Variants in PIERCE2 observed in about 807,000 individuals in gnomAD.
The protein encoded by PIERCE2 is piercer of microtubule wall 2.
chr15:55,413,202 A>T, the PIERCE2 span, among the ~76,000 whole-genome samples: 1 of 151,418 alleles, frequency 6.6e-6, no homozygotes, highest in East Asian at 2.0e-4. Context: ...CAGGAGGTGG[A>T]GCTTGCAGTG....
chr15:55,418,331 A>ACAGCCAGAC, the PIERCE2 span: 3 of 1,542,728 alleles, frequency 1.9e-6, no homozygotes, highest in East Asian at 4.9e-5. Flanking sequence ...GTTGGATCCA[A>ACAGCCAGAC]AGACACTCCA....
chr15:55,408,789 G>T, the PIERCE2 span: 74 of 1,522,924 alleles, frequency 4.9e-5, 1 homozygote, highest in South Asian at 8.0e-4. Flanking sequence ...GCAACCGGGT[G>T]AGTTTAGGCA....
chr15:55,414,215 T>G, the PIERCE2 span, among the ~76,000 whole-genome samples: 1 of 151,368 alleles, frequency 6.6e-6, no homozygotes, highest in Admixed American at 6.6e-5. Context: ...TTTTGTTTTT[T>G]TTTTTTTTGA....
At chr15:55,408,554 A>C in the PIERCE2 span, 90 of 400,154 alleles carry the variant, frequency 2.2e-4, 1 homozygote, top group African/African-American at 1.8e-3. Flanking sequence ...ACGAGTTGCA[A>C]CCTCCAGAAA....
the PIERCE2 span, among the ~76,000 whole-genome samples, chr15:55,409,437 C>T: frequency 6.6e-6 from 1 of 152,032 alleles, no homozygotes; most frequent in Non-Finnish European, 1.5e-5. Flanking sequence ...TATATTCACT[C>T]TTTACAGAAG....
At chr15:55,411,557 A>G in the PIERCE2 span, among the ~76,000 whole-genome samples, 1 of 152,092 alleles carries the variant, frequency 6.6e-6, no homozygotes, top group Non-Finnish European at 1.5e-5. Context: ...AAGCCGAGGC[A>G]GGTGGATCAC....
At chr15:55,412,870 C>A in the PIERCE2 span, among the ~76,000 whole-genome samples, 2 of 152,272 alleles carry the variant, frequency 1.3e-5, no homozygotes, top group South Asian at 4.1e-4. Context: ...TAGCTTATGC[C>A]TGTAATCCCA....
At chr15:55,408,808 G>C in the PIERCE2 span, 2 of 1,506,978 alleles carry the variant, frequency 1.3e-6, no homozygotes, top group Non-Finnish European at 1.8e-6. Flanking sequence ...CAGAGGGCTA[G>C]ATGTTTGGGA....
At chr15:55,411,062 T>G in the PIERCE2 span, 1 of 152,192 alleles carries the variant, frequency 6.6e-6, no homozygotes, top group African/African-American at 2.4e-5. Flanking sequence ...TTATGAGTAT[T>G]AAGTGAATAT....
At chr15:55,413,267 CAA>C in the PIERCE2 span, among the ~76,000 whole-genome samples, 3 of 123,346 alleles carry the variant, frequency 2.4e-5, no homozygotes, top group Non-Finnish European at 3.6e-5. Context: ...GACTCCGTCT[CAA>C]AAAAAAAAAA....
the PIERCE2 span, among the ~76,000 whole-genome samples, chr15:55,414,682 C>T: frequency 6.6e-6 from 1 of 151,386 alleles, no homozygotes; most frequent in South Asian, 2.1e-4. Flanking sequence ...AGTCCGAGGC[C>T]AGCCTGGCCA....
At chr15:55,415,615 T>C in the PIERCE2 span, among the ~76,000 whole-genome samples, 1 of 152,116 alleles carries the variant, frequency 6.6e-6, no homozygotes, top group Non-Finnish European at 1.5e-5. Context: ...TCCTGATCGA[T>C]TGAGCAAGCA....
the PIERCE2 span, among the ~76,000 whole-genome samples, chr15:55,409,189 T>TGAG: frequency 6.6e-6 from 1 of 152,212 alleles, no homozygotes; most frequent in African/African-American, 2.4e-5. Context: ...GTGGATCACC[T>TGAG]GAGGTCAGGA....
the PIERCE2 span, among the ~76,000 whole-genome samples, chr15:55,413,314 A>AT: frequency 6.6e-6 from 1 of 151,900 alleles, no homozygotes; most frequent in Non-Finnish European, 1.5e-5. Context: ...GGTGGTGTGC[A>AT]TGTAGTCCTA....
chr15:55,412,933 C>T, the PIERCE2 span, among the ~76,000 whole-genome samples: 1 of 152,094 alleles, frequency 6.6e-6, no homozygotes, highest in African/African-American at 2.4e-5. Context: ...AGTTCAAGAC[C>T]AGCCTGGGCA....
the PIERCE2 span, among the ~76,000 whole-genome samples, chr15:55,416,105 T>TAG: frequency 0.056 from 8,494 of 150,396 alleles, 659 homozygotes; most frequent in African/African-American, 0.18. Flanking sequence ...GTTATATATA[T>TAG]AGAGAGAGAG....
At chr15:55,418,499 A>C in the PIERCE2 span, 3 of 1,528,026 alleles carry the variant, frequency 2.0e-6, no homozygotes, top group Non-Finnish European at 2.6e-6. Flanking sequence ...ATTTTATCAA[A>C]ATAACACTCT....
At chr15:55,418,049 T>C in the PIERCE2 span, 1 of 1,318,124 alleles carries the variant, frequency 7.6e-7, no homozygotes, top group Non-Finnish European at 1.1e-6. Flanking sequence ...GCCATCTGGA[T>C]GTATACGTGC....
At chr15:55,412,983 T>C in the PIERCE2 span, among the ~76,000 whole-genome samples, 12 of 152,036 alleles carry the variant, frequency 7.9e-5, no homozygotes, top group African/African-American at 2.9e-4. Flanking sequence ...ATTATAAAAA[T>C]TAAGGCTGGG....
Sources: allele counts gnomAD v4.1 joint callset (sites outside exome capture counted in the v4.1 genomes callset), GRCh38; gene constraint gnomAD v4.1.1; transcripts MANE v1.5; gene names NCBI Gene and HGNC (gene_info 2026-07-23, HGNC 2026-07-21).